The following CSMD2 variants were observed in gnomAD, a reference collection of about 807,000 sequenced individuals.
CSMD2 encodes CUB and sushi domain-containing protein 2.
Under a neutral mutation model 398.5 loss-of-function variants are expected in CSMD2, and 130 were observed. The observed-to-expected ratio is 0.33, with a 90% CI of 0.28 to 0.38. CSMD2 has a LOEUF of 0.38. CSMD2 is among the 10% of genes least tolerant of loss of function. The probability of loss-of-function intolerance (pLI) is 1.00; values close to 1 mark genes in which losing one functional copy is unlikely to be tolerated. For missense variants in CSMD2, 3,829 were observed against 4,764.9 expected, an observed-to-expected ratio of 0.80 and a Z score of 5.78; for synonymous variants, 1,828 against 1,908.5, an observed-to-expected ratio of 0.96 and a Z score of 1.10.
chr1:34,114,479 T>C (rs1299363990), intron 1 of CSMD2, among the ~76,000 whole-genome samples: 7 of 151,972 alleles, frequency 4.6e-5, no homozygotes, highest in African/African-American at 1.7e-4. Flanking sequence ...AGAAGGATAA[T>C]TTGAGGCCAG....
chr1:33,638,342 A>G (rs887583908), intron 29 of CSMD2, among the ~76,000 whole-genome samples: 9 of 152,202 alleles, frequency 5.9e-5, no homozygotes, highest in African/African-American at 2.2e-4. Context: ...TATAAATTCA[A>G]AGTGGGTTAA....
chr1:33,694,146 A>G (rs1422389748), intron 24 of CSMD2, among the ~76,000 whole-genome samples: 2 of 152,254 alleles, frequency 1.3e-5, no homozygotes, highest in South Asian at 2.1e-4. Flanking sequence ...ACATTAGTTA[A>G]GTGAAGGAAG....
chr1:33,664,764 C>G (rs531712652), intron 25 of CSMD2, among the ~76,000 whole-genome samples: 6 of 151,968 alleles, frequency 3.9e-5, no homozygotes, highest in African/African-American at 1.4e-4. Context: ...GATTGCACCA[C>G]TGCACTCCAG....
chr1:33,550,853 A>T (rs747291649), intron 55 of CSMD2, among the ~76,000 whole-genome samples: 2 of 152,196 alleles, frequency 1.3e-5, no homozygotes, highest in Non-Finnish European at 2.9e-5. Flanking sequence ...TTACTAAAAT[A>T]CTGAAGTATA....
chr1:34,129,895 G>A (rs781071481), intron 1 of CSMD2, among the ~76,000 whole-genome samples: 6 of 152,088 alleles, frequency 3.9e-5, no homozygotes, highest in South Asian at 2.1e-4. Context: ...GACCTGGGGC[G>A]CCCTGCTCAC....
chr1:33,800,937 G>A (rs1317090939), intron 10 of CSMD2, among the ~76,000 whole-genome samples: 1 of 152,194 alleles, frequency 6.6e-6, no homozygotes, highest in Non-Finnish European at 1.5e-5. Flanking sequence ...CTGGCACAGA[G>A]AGGGTGTTTG....
chr1:34,018,717 C>A (rs16836200), intron 3 of CSMD2, among the ~76,000 whole-genome samples: 1 of 152,190 alleles, frequency 6.6e-6, no homozygotes, highest in African/African-American at 2.4e-5. Context: ...ACCTTTCTTA[C>A]CACTTTGTAT....
At chr1:34,076,806 A>T (rs1200629406) in intron 2 of CSMD2, among the ~76,000 whole-genome samples, 1 of 149,440 alleles carries the variant, frequency 6.7e-6, no homozygotes, top group African/African-American at 2.5e-5. Flanking sequence ...AGTGAAAGTG[A>T]CTTGCCAATG....
At chr1:33,696,817 G>A (rs560724774) in intron 24 of CSMD2, among the ~76,000 whole-genome samples, 4 of 152,168 alleles carry the variant, frequency 2.6e-5, no homozygotes, top group African/African-American at 9.6e-5. Flanking sequence ...ACTCTTTCTG[G>A]TCTTCTCCCT....
Position 33,537,453 on chromosome 1 carries a change from G to C in CSMD2, c.9788C>G (p.Thr3263Ser). The change falls in exon 61 of 71, where the codon ACC becomes AGC. Residue 3263 changes from threonine to serine, a missense_variant. Coordinates refer to ENST00000373381, the MANE Select transcript of CSMD2 (RefSeq NM_001281956.2). The surrounding 1 kb of genome is among the most constrained non-coding windows in gnomAD (Gnocchi z 4.6). Reference protein sequence around the residue: ...FCQSDGTWSGTQPSCIDPTLT... With the variant: ...FCQSDGTWSGSQPSCIDPTLT... The stretch of plus-strand genomic sequence containing the variant: ...CCTCTCACCTATGCAGCTGGGCTGG[G>C]TGCCACTCCATGTCCCATCTGACTG... 3 of 1,613,490 alleles carry C rather than the reference G, an allele frequency of 1.9e-6. No homozygotes were observed. The highest frequency in any genetic ancestry group is 2.5e-6 in the Non-Finnish European group (3 of 1,179,676).
chr1:34,120,520 T>C (rs566039707), intron 1 of CSMD2, among the ~76,000 whole-genome samples: 7 of 152,292 alleles, frequency 4.6e-5, no homozygotes, highest in East Asian at 1.9e-4. Flanking sequence ...ATGAGGTGTA[T>C]AGTAGGACAA....
chr1:33,864,363 G>C (rs140191038), intron 5 of CSMD2: 1 of 1,613,978 alleles, frequency 6.2e-7, no homozygotes, highest in African/African-American at 1.3e-5. Flanking sequence ...GCATGAAAAG[G>C]CCAAATATGA....
At position 33,992,093 on chromosome 1, in the gene CSMD2, G is replaced by A. The variant is rs77531279; in HGVS notation, c.517+40501C>T. ...TGATAAAATCTAATGTTGGGAGAGG[G>A]TAGGGGAATCAACCCAGGTGGTTAG... On this transcript the variant is annotated intron_variant, in intron 3 of 70. Transcript: ENST00000373381. 7.8e-4 allele frequency among the ~76,000 whole-genome samples: 119 copies of A among 152,326 alleles called. No individual in the cohort carries two copies. The East Asian group carries it at 0.013, about 17-fold the overall frequency.
At chr1:34,035,975 T>C (rs1651073178) in intron 2 of CSMD2, among the ~76,000 whole-genome samples, 1 of 152,168 alleles carries the variant, frequency 6.6e-6, no homozygotes. Flanking sequence ...TATTACTACA[T>C]ACCCATTGGA....
chr1:33,776,721 G>A (rs997206547), intron 12 of CSMD2, among the ~76,000 whole-genome samples: 17 of 152,074 alleles, frequency 1.1e-4, no homozygotes, highest in Middle Eastern at 3.4e-3. Context: ...GGAAGACAAC[G>A]GGGCAAAGGA....
At chr1:33,605,578 G>C (rs1640539659) in intron 41 of CSMD2, 108 bp from the exon 42 acceptor site, 3 of 1,122,732 alleles carry the variant, frequency 2.7e-6, no homozygotes, top group Non-Finnish European at 3.9e-6. Flanking sequence ...ATGGACCTTT[G>C]TCATGTACAA....
intron 31 of CSMD2, among the ~76,000 whole-genome samples, chr1:33,634,080 G>T (rs1033419861): frequency 3.9e-5 from 6 of 152,200 alleles, no homozygotes; most frequent in Middle Eastern, 3.2e-3. Flanking sequence ...AGATCAGATT[G>T]GACAGCCTTT....
intron 3 of CSMD2, among the ~76,000 whole-genome samples, chr1:34,031,903 G>A (rs1257926477): frequency 6.6e-6 from 1 of 151,932 alleles, no homozygotes; most frequent in Non-Finnish European, 1.5e-5. Flanking sequence ...AACAGTGCAG[G>A]TCTTAGCCAA....
chr1:33,611,241 A>G lies in CSMD2; in HGVS notation c.6143T>C (p.Ile2048Thr), dbSNP rs1457724175. ...CTCGGTGGAGAAGTTCAGGAACTGGATGTGAGCTCCTGGGAGCAAGACAGA... is the reference window on the plus strand; with the variant it reads ...CTCGGTGGAGAAGTTCAGGAACTGGGTGTGAGCTCCTGGGAGCAAGACAGA... ...IALPVGFGAH[I>T]QFLNFSTEPN... is the part of the protein sequence containing the mutation. Residue 2048 changes from isoleucine to threonine, a missense_variant, in exon 41 of 71, where the codon ATC (isoleucine) becomes ACC (threonine). Ile to Thr is a moderately conservative substitution (Grantham distance 89). Around this residue, in one of 5 missense-constraint regions of CSMD2, gnomAD observed 2,001 missense variants for 2,567.1 expected, o/e 0.78. Coordinates refer to ENST00000373381, the MANE Select transcript of CSMD2 (RefSeq NM_001281956.2). The G allele has an allele frequency of 6.2e-7, 1 of 1,613,792 alleles. No individual in the cohort carries two copies. The highest frequency in any genetic ancestry group is 2.2e-5 in the East Asian group (1 of 44,874).
Sources: gnomAD v4.1 joint callset for allele counts (sites outside exome capture counted in the v4.1 genomes callset) on GRCh38, gnomAD v4.1.1 for gene constraint, gnomAD v4.1.1 regional missense constraint, Gnocchi (gnomAD v3.1) non-coding constraint, MANE v1.5 for transcripts, NCBI Gene and HGNC (gene_info 2026-07-23, HGNC 2026-07-21) for gene names.